Variants in CPA6 observed in about 807,000 individuals in gnomAD.
CPA6 encodes the protein carboxypeptidase B.
In CPA6, 58 loss-of-function variants were observed where a neutral mutation model predicts 63.3. That is an observed-to-expected ratio of 0.92 (90% CI 0.74 to 1.14). The LOEUF is 1.14. Among genes scored for constraint, CPA6 ranks in the 50% most tolerant of loss-of-function variants. CPA6 has a pLI of 0.00. For missense variants in CPA6, 565 were observed against 526.6 expected (o/e 1.07, Z -0.71); for synonymous variants, 185 against 179.0 (o/e 1.03, Z -0.27).
At chr8:67,713,099 G>GTGTGTGTGTGTGTATA (rs1328463977) in intron 1 of CPA6, among the ~76,000 whole-genome samples, 43 of 55,026 alleles carry the variant, frequency 7.8e-4, no homozygotes, top group African/African-American at 2.9e-3. Flanking sequence ...GTGTGTGTGT[G>GTGTGTGTGTGTGTATA]TATATATATA....
At chr8:67,699,171 AC>A (rs1480464227) in intron 1 of CPA6, among the ~76,000 whole-genome samples, 1 of 152,220 alleles carries the variant, frequency 6.6e-6, no homozygotes, top group Non-Finnish European at 1.5e-5. Flanking sequence ...TAATCCCAGC[AC>A]CTTGGGAGGC....
intron 1 of CPA6, among the ~76,000 whole-genome samples, chr8:67,642,031 A>G (rs1815602850): frequency 6.6e-6 from 1 of 152,206 alleles, no homozygotes; most frequent in Non-Finnish European, 1.5e-5. Context: ...ATTTGATTAA[A>G]GGACATTAGG....
At chr8:67,684,749 C>T (rs1459505507) in intron 1 of CPA6, among the ~76,000 whole-genome samples, 1 of 152,102 alleles carries the variant, frequency 6.6e-6, no homozygotes, top group Non-Finnish European at 1.5e-5. Flanking sequence ...CTGTCCATTT[C>T]CTTGTAAAAT....
At chr8:67,572,349 T>C (rs534843571) in intron 2 of CPA6, among the ~76,000 whole-genome samples, 3 of 152,324 alleles carry the variant, frequency 2.0e-5, no homozygotes, top group Non-Finnish European at 2.9e-5. Flanking sequence ...GTTCTCCTAG[T>C]AGTAAGTTCT....
At chr8:67,503,468 ATTT>A (rs869172205) in intron 6 of CPA6, among the ~76,000 whole-genome samples, 3,713 of 126,046 alleles carry the variant, frequency 0.029, 102 homozygotes, top group African/African-American at 0.11. Context: ...AGCTAATTAA[ATTT>A]TTTTTTTTTT....
At chr8:67,610,880 A>G (rs1364867639) in intron 2 of CPA6, among the ~76,000 whole-genome samples, 1 of 152,134 alleles carries the variant, frequency 6.6e-6, no homozygotes, top group African/African-American at 2.4e-5. Context: ...GAGTTGTTTA[A>G]TTTTTTTCAA....
chr8:67,495,420 A>C (rs1370447613), intron 6 of CPA6, among the ~76,000 whole-genome samples: 8 of 152,210 alleles, frequency 5.3e-5, no homozygotes, highest in African/African-American at 1.9e-4. Flanking sequence ...AGGACTTAGC[A>C]TGCTGCCTTC....
chr8:67,615,380 G>C (rs1436896018), intron 2 of CPA6, among the ~76,000 whole-genome samples: 1 of 152,148 alleles, frequency 6.6e-6, no homozygotes, highest in African/African-American at 2.4e-5. Flanking sequence ...GTCTATTCCT[G>C]TATCTTGGAT....
At chr8:67,488,844 GCTCT>G (rs1256683877) in intron 6 of CPA6, among the ~76,000 whole-genome samples, 2 of 152,006 alleles carry the variant, frequency 1.3e-5, no homozygotes, top group Non-Finnish European at 2.9e-5. Context: ...TCATGATTTG[GCTCT>G]CTGTTTGTCT....
intron 6 of CPA6, among the ~76,000 whole-genome samples, chr8:67,487,846 T>C (rs1298470161): frequency 6.6e-6 from 1 of 152,250 alleles, no homozygotes; most frequent in African/African-American, 2.4e-5. Context: ...TTTGGATGCA[T>C]AAATGTCTTC....
chr8:67,462,235 C>CT (rs777706029), intron 8 of CPA6, among the ~76,000 whole-genome samples: 1 of 151,328 alleles, frequency 6.6e-6, no homozygotes, highest in Non-Finnish European at 1.5e-5. Flanking sequence ...GAAAAAAAAT[C>CT]TTTTCTACAC....
intron 2 of CPA6, among the ~76,000 whole-genome samples, chr8:67,552,171 A>AC (rs1486245861): frequency 7.2e-5 from 11 of 152,206 alleles, no homozygotes; most frequent in Non-Finnish European, 1.5e-4. Context: ...CACCTATTAA[A>AC]ACAACCAAGC....
intron 1 of CPA6, among the ~76,000 whole-genome samples, chr8:67,674,254 C>A (rs1172172556): frequency 6.6e-6 from 1 of 152,196 alleles, no homozygotes; most frequent in Non-Finnish European, 1.5e-5. Flanking sequence ...CAGAGACTAC[C>A]TGAGCATTTG....
chr8:67,518,011 A>T lies in CPA6; in HGVS notation c.229T>A (p.Ser77Thr), dbSNP rs780171379. The T allele has an allele frequency of 7.4e-6, 12 of 1,611,912 alleles. No individual in the cohort carries two copies. In the Admixed American group the frequency reaches 2.0e-4, roughly 27 times the overall value. The change falls in exon 3 of 11, where the codon TCA (serine) becomes ACA (threonine). Residue 77 changes from serine to threonine, a missense_variant. Coordinates refer to ENST00000297770, the MANE Select transcript of CPA6 (RefSeq NM_020361.5). ...TGGACATCAGTAACTGTTCCCTCTG[A>T]TACATAGGAGATACTGCTGGGCTGC... is the stretch of plus-strand genomic sequence containing the variant. ...LWQPSSISYV[S>T]EGTVTDVHIP...
intron 8 of CPA6, among the ~76,000 whole-genome samples, chr8:67,461,354 G>C (rs1485059166): frequency 1.1e-4 from 16 of 147,148 alleles, no homozygotes; most frequent in Non-Finnish European, 2.4e-4. Flanking sequence ...TACAGCACAC[G>C]TTTCAGAGAG....
At chr8:67,508,428 GGT>G (rs996053711) in intron 5 of CPA6, among the ~76,000 whole-genome samples, 7 of 152,174 alleles carry the variant, frequency 4.6e-5, no homozygotes, top group Admixed American at 3.3e-4. Context: ...GTGAATTTAA[GGT>G]TCCAGAGGGT....
chr8:67,428,121 G>T lies in CPA6; in HGVS notation c.1052C>A (p.Ala351Asp). ...IPNFRCVESA[A>D]YKAVNALQSV... ...CTGAAGTGCATTCACAGCTTTATAA[G>T]CTGCAGATTCCTATGAGGGAAAATG... Residue 351 changes from alanine to aspartate, a missense_variant, in exon 10 of 11, where the codon GCT becomes GAT. Physicochemically the swap from Ala to Asp is moderately radical, Grantham distance 126 (BLOSUM62 -2). Transcript: ENST00000297770. 1 of 1,609,400 alleles carries T rather than the reference G, an allele frequency of 6.2e-7. No individual in the cohort carries two copies. Among genetic ancestry groups the T allele is most frequent in the Non-Finnish European group, 8.5e-7 (1 of 1,176,112 alleles).
At chr8:67,430,669 A>G (rs1339161283) in intron 9 of CPA6, among the ~76,000 whole-genome samples, 1 of 152,116 alleles carries the variant, frequency 6.6e-6, no homozygotes, top group Non-Finnish European at 1.5e-5. Flanking sequence ...AGGATTTCTC[A>G]ACAATGGCAT....
intron 2 of CPA6, among the ~76,000 whole-genome samples, chr8:67,563,341 G>A (rs922749189): frequency 5.9e-5 from 9 of 152,076 alleles, no homozygotes; most frequent in Admixed American, 2.0e-4. Context: ...TACCTTCCTG[G>A]GATTATCAGC....
Sources: allele counts gnomAD v4.1 joint callset (sites outside exome capture counted in the v4.1 genomes callset), GRCh38; gene constraint gnomAD v4.1.1; transcripts MANE v1.5; gene names NCBI Gene and HGNC (gene_info 2026-07-23, HGNC 2026-07-21).